AKAP6: variants seen among roughly 807,000 people sequenced by gnomAD.
The protein encoded by AKAP6 is A-kinase anchor protein 6.
AKAP6 carries 58 observed loss-of-function variants against 188.5 expected under a neutral mutation model. The observed-to-expected ratio is 0.31, with a 90% confidence interval of 0.25 to 0.38. The LOEUF (loss-of-function observed/expected upper bound fraction) is 0.38, where lower values mean the gene tolerates loss of function less well. AKAP6 is among the 10% of genes least tolerant of loss of function. The pLI is 1.00. For synonymous variants in AKAP6, 989 were observed against 998.6 expected (o/e 0.99, Z 0.18); for missense variants, 2,710 against 2,740.0 (o/e 0.99, Z 0.24).
At chr14:32,378,180 C>T (rs1888222062) in intron 1 of AKAP6, among the ~76,000 whole-genome samples, 1 of 81,960 alleles carries the variant, frequency 1.2e-5, no homozygotes, top group Non-Finnish European at 2.6e-5. Context: ...ATTGTCATGG[C>T]TGCCATATTA....
chr14:32,796,067 G>A (rs1294810751), intron 12 of AKAP6, among the ~76,000 whole-genome samples: 1 of 152,038 alleles, frequency 6.6e-6, no homozygotes, highest in Non-Finnish European at 1.5e-5. Flanking sequence ...TAGGAATATA[G>A]CTAACAAGGG....
intron 2 of AKAP6, among the ~76,000 whole-genome samples, chr14:32,449,521 CAAAAAAAAA>C (rs33960351): frequency 1.9e-5 from 2 of 104,624 alleles, no homozygotes; most frequent in African/African-American, 3.3e-5. Context: ...GACTCCATCT[CAAAAAAAAA>C]AAAAAAAAAA....
chr14:32,440,119 C>A (rs1209969958), intron 2 of AKAP6, among the ~76,000 whole-genome samples: 1 of 152,090 alleles, frequency 6.6e-6, no homozygotes, highest in Non-Finnish European at 1.5e-5. Context: ...TCTGTCCTTG[C>A]GATAGTTTGC....
chr14:32,411,033 T>C (rs908621344), intron 1 of AKAP6, among the ~76,000 whole-genome samples: 4 of 152,198 alleles, frequency 2.6e-5, no homozygotes, highest in African/African-American at 7.2e-5. Flanking sequence ...TTGTCAGCTA[T>C]GAGCCTCACT....
At chr14:32,441,866 T>C (rs1276968967) in intron 2 of AKAP6, among the ~76,000 whole-genome samples, 1 of 152,218 alleles carries the variant, frequency 6.6e-6, no homozygotes, top group Non-Finnish European at 1.5e-5. Flanking sequence ...GAGAAAGTAA[T>C]ACATTTCATA....
chr14:32,620,271 T>C (rs531692364), intron 7 of AKAP6, among the ~76,000 whole-genome samples: 2 of 152,312 alleles, frequency 1.3e-5, no homozygotes, highest in African/African-American at 4.8e-5. Flanking sequence ...TTTCAACTTT[T>C]CCCCATTCGG....
At chr14:32,820,178 T>C (rs2034484138) in intron 12 of AKAP6, among the ~76,000 whole-genome samples, 1 of 151,990 alleles carries the variant, frequency 6.6e-6, no homozygotes, top group South Asian at 2.1e-4. Context: ...CTGCAAGTTC[T>C]AGTGCCATAC....
chr14:32,546,029 T>C lies in AKAP6; in HGVS notation c.1376T>C (p.Leu459Ser). The stretch of plus-strand genomic sequence containing the variant: ...GCTGCCAGCCAGTCTTATGAGTGTT[T>C]ACACAAGGTGGGGAATGGGAACCTT... ...PSAASQSYEC[L>S]HKVGNGNLEN... Residue 459 changes from leucine (L) to serine (S), a missense_variant, in exon 4 of 14, where the codon TTA (leucine) becomes TCA (serine). Leu to Ser is a moderately radical substitution (Grantham distance 145). This residue lies in a region of AKAP6 where 2,473 missense variants were observed against 2,426.1 expected (regional missense o/e 1.02). Coordinates refer to ENST00000280979, the MANE Select transcript of AKAP6 (RefSeq NM_004274.5). 6.2e-7 allele frequency: 1 copy of C among 1,614,180 alleles called. No homozygotes were observed. Among genetic ancestry groups the C allele is most frequent in the South Asian group, 1.1e-5 (1 of 91,084 alleles).
intron 5 of AKAP6, among the ~76,000 whole-genome samples, chr14:32,586,549 C>G (rs1174511819): frequency 6.6e-6 from 1 of 152,128 alleles, no homozygotes; most frequent in Non-Finnish European, 1.5e-5. Flanking sequence ...ATTTCTTGAA[C>G]CCGGAAGGCA....
intron 4 of AKAP6, 43 bp from the exon 5 acceptor site, chr14:32,577,077 C>CCTTTT: frequency 6.3e-7 from 1 of 1,581,550 alleles, no homozygotes; most frequent in Non-Finnish European, 8.5e-7. Flanking sequence ...AACTAACATG[C>CCTTTT]CTTTCTTGCC....
intron 2 of AKAP6, chr14:32,484,406 A>C: frequency 6.6e-6 from 1 of 151,800 alleles, no homozygotes; most frequent in Non-Finnish European, 9.6e-6. Context: ...GTTCCCTGCT[A>C]AGGGAGGGTA....
chr14:32,592,787 T>C (rs546447228), intron 5 of AKAP6, among the ~76,000 whole-genome samples: 1 of 152,044 alleles, frequency 6.6e-6, no homozygotes, highest in Non-Finnish European at 1.5e-5. Flanking sequence ...ATAAACCCCA[T>C]GAAGTAGGTA....
At chr14:32,475,724 G>C (rs946338395) in intron 2 of AKAP6, among the ~76,000 whole-genome samples, 64 of 149,326 alleles carry the variant, frequency 4.3e-4, no homozygotes, top group African/African-American at 1.5e-3. Flanking sequence ...TGTCACCCAG[G>C]CTGGAGTGCA....
At chr14:32,475,437 G>A (rs1221483220) in intron 2 of AKAP6, among the ~76,000 whole-genome samples, 1 of 152,104 alleles carries the variant, frequency 6.6e-6, no homozygotes, top group Non-Finnish European at 1.5e-5. Flanking sequence ...TTTTTGTTGT[G>A]GGTTCTTATT....
chr14:32,334,056 C>T (rs1302996770), intron 1 of AKAP6, among the ~76,000 whole-genome samples: 1 of 152,038 alleles, frequency 6.6e-6, no homozygotes, highest in South Asian at 2.1e-4. Flanking sequence ...AAGCATTTCT[C>T]GAAACAATCA....
At chr14:32,586,226 G>T (rs1885239606) in intron 5 of AKAP6, among the ~76,000 whole-genome samples, 1 of 152,184 alleles carries the variant, frequency 6.6e-6, no homozygotes, top group Non-Finnish European at 1.5e-5. Flanking sequence ...GGAGTAAAAG[G>T]TTAAAGTCAA....
At chr14:32,512,536 A>G (rs28712352) in intron 2 of AKAP6, among the ~76,000 whole-genome samples, 29 of 152,280 alleles carry the variant, frequency 1.9e-4, no homozygotes, top group African/African-American at 6.0e-4. Flanking sequence ...TTCATCCTCC[A>G]TTTTGGTGTG....
At position 32,448,757 on chromosome 14, in the gene AKAP6, C is replaced by T. The variant is rs182166594; in HGVS notation, c.324+14940C>T. Among the ~76,000 whole-genome samples the T allele has an allele frequency of 1.0e-3, 154 of 152,276 alleles. 1 individual carries two copies. In the Middle Eastern group the frequency reaches 0.01, roughly 10 times the overall value. On this transcript the variant is annotated intron_variant, in intron 2 of 13. Coordinates refer to ENST00000280979, the MANE Select transcript of AKAP6 (RefSeq NM_004274.5). ...TTCATGGGGGACTCCAAGTTAATAC[C>T]TGTAGTATACTATATCATATTGCTT...
At chr14:32,487,500 T>C (rs1182562789) in intron 2 of AKAP6, among the ~76,000 whole-genome samples, 1 of 152,256 alleles carries the variant, frequency 6.6e-6, no homozygotes. Context: ...CTCCTTTAGC[T>C]CAGAGGAGTT....
Sources: gnomAD v4.1 joint callset for allele counts (sites outside exome capture counted in the v4.1 genomes callset) on GRCh38, gnomAD v4.1.1 for gene constraint, gnomAD v4.1.1 regional missense constraint, MANE v1.5 for transcripts, NCBI Gene and HGNC (gene_info 2026-07-23, HGNC 2026-07-21) for gene names.